CCNL1: variants seen among roughly 807,000 people sequenced by gnomAD.
CCNL1 encodes the protein cyclin-L1.
In CCNL1, 13 loss-of-function variants were observed where a neutral mutation model predicts 60.6. The observed-to-expected ratio is 0.21, with a 90% CI of 0.14 to 0.34. The LOEUF is 0.34. Ranked by LOEUF, CCNL1 falls within the 10% of genes least tolerant of loss-of-function variation. CCNL1 has a pLI of 1.00. For missense variants in CCNL1, 481 were observed against 664.3 expected, an observed-to-expected ratio of 0.72 and a Z score of 3.03; for synonymous variants, 270 against 244.3, an observed-to-expected ratio of 1.10 and a Z score of -0.98.
chr3:157,159,876 C>T lies in CCNL1; in HGVS notation c.219G>A (p.Gly73=). The T allele has an allele frequency of 6.3e-7, 1 of 1,597,090 alleles. No individual in the cohort carries two copies. The highest frequency in any genetic ancestry group is 1.1e-5 in the South Asian group (1 of 88,472). ...AGTCCGTCTCACTGGGCAGGTCGAG[C>T]CCATCCTGCATGGATGGGGTGGGCG... The part of the protein sequence containing the change: ...RLSPTPSMQD[G]LDLPSETDLR... The change falls in exon 1 of 11, where the codon GGG becomes GGA. Residue 73 remains glycine, a synonymous_variant. Coordinates refer to ENST00000295926, the MANE Select transcript of CCNL1 (RefSeq NM_020307.4).
chr3:157,143,881 A>C (rs894654235), downstream of CCNL1, among the ~76,000 whole-genome samples: 12 of 152,206 alleles, frequency 7.9e-5, no homozygotes, highest in African/African-American at 2.9e-4. Context: ...GGCATTTTAC[A>C]GAGTGATATG....
chr3:157,149,979 TGTTGGAG>T lies in CCNL1; in HGVS notation c.880-9_880-3del, dbSNP rs1173000987. ...TTTTTCCAGTAATTCATAGTTTGGCTGTTGGAGGAAAAAAAAGTTAGTATTTCTTCCT... is the reference window on the plus strand; with the variant it reads ...TTTTTCCAGTAATTCATAGTTTGGCTGAAAAAAAAGTTAGTATTTCTTCCT... On this transcript the variant is annotated splice_polypyrimidine_tract_variant and splice_region_variant and intron_variant, in intron 7 of 10. Transcript: ENST00000295926. 6.3e-7 allele frequency: 1 copy of T among 1,584,970 alleles called. No individual in the cohort carries two copies. Among genetic ancestry groups the T allele is most frequent in the Admixed American group, 1.8e-5 (1 of 54,330 alleles).
In CCNL1 at chr3:157,159,837, G is replaced by A. The variant is rs1229541262; in HGVS notation, c.258C>T (p.Gly86=). 2 of 1,555,108 alleles carry A rather than the reference G, an allele frequency of 1.3e-6. No individual in the cohort carries two copies. The highest frequency in any genetic ancestry group is 1.2e-5 in the South Asian group (1 of 85,014). Residue 86 remains glycine (G), a synonymous_variant, in exon 1 of 11, where the codon GGC becomes GGT. Transcript: ENST00000295926. ...LPSETDLRIL[G]CELIQAAGIL... Reference sequence around the variant, plus strand: ...TGCCGGCGGCCTGGATGAGCTCGCAGCCCAGGATGCGTAAGTCCGTCTCAC... The same window carrying A: ...TGCCGGCGGCCTGGATGAGCTCGCAACCCAGGATGCGTAAGTCCGTCTCAC...
intron 4 of CCNL1, 23 bp downstream of exon 4, chr3:157,153,013 A>G: frequency 6.2e-7 from 1 of 1,610,528 alleles, no homozygotes; most frequent in Non-Finnish European, 8.5e-7. Context: ...TTACGAACCC[A>G]ATTTCTGTAC....
At chr3:157,159,301 A>C in intron 2 of CCNL1, 104 bp downstream of exon 2, 2 of 1,082,130 alleles carry the variant, frequency 1.8e-6, no homozygotes, top group East Asian at 2.5e-5. Flanking sequence ...ACAAAGGCCT[A>C]AACTAAACCA....
intron 3 of CCNL1, chr3:157,157,168 A>G (rs918591600): frequency 3.4e-6 from 4 of 1,164,234 alleles, no homozygotes; most frequent in African/African-American, 1.6e-5. Flanking sequence ...TAATATGCAT[A>G]GAAACACTTT....
Position 157,159,788 on chromosome 3 carries a change from T to G in CCNL1, c.303+4A>C, listed in dbSNP as rs1738943437. The G allele has an allele frequency of 6.5e-7, 1 of 1,531,712 alleles. No homozygotes were observed. Among genetic ancestry groups the G allele is most frequent in the Non-Finnish European group, 8.8e-7 (1 of 1,132,682 alleles). The allele number at this position is 1,531,712 out of a possible 1,614,324, so 94.9% of individuals were successfully genotyped here. On this transcript the variant is annotated splice_donor_region_variant and intron_variant, in intron 1 of 10. Transcript: ENST00000295926. ...CCCGGCCGGCCCGGGGCCGGAGCAC[T>G]GACCTGCGGCAGCCGGAGGAGAATG...
At chr3:157,150,830 A>G (rs2108116635) in intron 5 of CCNL1, 1 of 987,548 alleles carries the variant, frequency 1.0e-6, no homozygotes, top group East Asian at 1.1e-4. Context: ...TACCGTTAAC[A>G]GGGGTAAAAA....
At chr3:157,150,722 A>C in intron 5 of CCNL1, 3 of 1,029,278 alleles carry the variant, frequency 2.9e-6, no homozygotes, top group South Asian at 7.5e-5. Context: ...AGAAATGATA[A>C]ACCACTCCAA....
chr3:157,149,087 A>G (rs1560195022), intron 10 of CCNL1, 200 bp downstream of exon 10: 2 of 568,880 alleles, frequency 3.5e-6, no homozygotes, highest in East Asian at 2.9e-5. Context: ...TCCAAAAAAC[A>G]TGGGAGAAAA....
intron 3 of CCNL1, among the ~76,000 whole-genome samples, chr3:157,157,999 C>G (rs1257568398): frequency 6.6e-6 from 1 of 152,202 alleles, no homozygotes; most frequent in Admixed American, 6.5e-5. Flanking sequence ...AACATCACTA[C>G]AATTCCTTAA....
chr3:157,147,757 CCT>C lies in CCNL1; in HGVS notation c.*482_*483del, dbSNP rs961709436. On this transcript the variant is annotated 3_prime_UTR_variant, in exon 11 of 11. Coordinates refer to ENST00000295926, the MANE Select transcript of CCNL1 (RefSeq NM_020307.4). ...ACAGCCATTTTGCTATTAAAATTTT[CCT>C]TTTTAATAATTTATTTAAATAAGGT... is the stretch of plus-strand genomic sequence containing the variant. The C allele has an allele frequency of 2.4e-5, 24 of 981,324 alleles. No individual in the cohort carries two copies. The highest frequency in any genetic ancestry group is 7.3e-6 in the Non-Finnish European group (6 of 826,304). 60.8% of individuals were successfully genotyped at this position (981,324 alleles called of 1,614,324 possible).
chr3:157,159,731 C>A (rs917307349), intron 1 of CCNL1, 61 bp downstream of exon 1: 2 of 1,365,784 alleles, frequency 1.5e-6, no homozygotes, highest in Non-Finnish European at 2.0e-6. Flanking sequence ...TACTGAGATG[C>A]GGCGTAGGGG....
chr3:157,159,658 C>A, intron 1 of CCNL1, 134 bp downstream of exon 1: 2 of 1,049,128 alleles, frequency 1.9e-6, no homozygotes. Flanking sequence ...ACGCCCCGGC[C>A]GCGGCTGGGC....
At chr3:157,146,278 G>C (rs1737780336), downstream of CCNL1, among the ~76,000 whole-genome samples, 1 of 152,090 alleles carries the variant, frequency 6.6e-6, no homozygotes, top group Non-Finnish European at 1.5e-5. Context: ...AGTGGCATGA[G>C]GTTAACATCC....
At position 157,149,826 on chromosome 3, in the gene CCNL1, T is replaced by C. The variant is rs1435903666; in HGVS notation, c.1021+10A>G. 6.2e-7 allele frequency: 1 copy of C among 1,609,658 alleles called. No homozygotes were observed. Among genetic ancestry groups the C allele is most frequent in the African/African-American group, 1.3e-5 (1 of 74,590 alleles). ...GCCCCCAAGTCATTTTAATTCTAAA[T>C]ACATCTTACATGGCTTGGAGGCTGG... On this transcript the variant is annotated intron_variant, in intron 8 of 10. Transcript: ENST00000295926.
chr3:157,151,900 A>G, intron 5 of CCNL1: 1 of 1,258,910 alleles, frequency 7.9e-7, no homozygotes. Context: ...TGCAGAGGGC[A>G]GAGTTCTATG....
In CCNL1 at chr3:157,147,783, G is replaced by C. The variant is rs1359141399; in HGVS notation, c.*458C>G. 1.0e-6 allele frequency: 1 copy of C among 978,848 alleles called. No homozygotes were observed. Among genetic ancestry groups the C allele is most frequent in the Admixed American group, 6.2e-5 (1 of 16,260 alleles). The allele number at this position is 978,848 out of a possible 1,614,324, so 60.6% of individuals were successfully genotyped here. On this transcript the variant is annotated 3_prime_UTR_variant, in exon 11 of 11. Transcript: ENST00000295926. ...CTTTTTAATAATTTATTTAAATAAG[G>C]TATTTGAAGCAGTTTAGAAAAAACA...
chr3:157,145,200 G>A (rs926791030), downstream of CCNL1, among the ~76,000 whole-genome samples: 6 of 152,048 alleles, frequency 3.9e-5, no homozygotes, highest in African/African-American at 1.4e-4. Flanking sequence ...CCTTTGGGAG[G>A]CAAGGCAGGT....
Sources: gnomAD v4.1 joint callset for allele counts (sites outside exome capture counted in the v4.1 genomes callset) on GRCh38, gnomAD v4.1.1 for gene constraint, MANE v1.5 for transcripts, NCBI Gene and HGNC (gene_info 2026-07-23, HGNC 2026-07-21) for gene names.